Variants in PHACTR2 observed in about 807,000 individuals in gnomAD.
PHACTR2 encodes chromosome 6 open reading frame 56.
PHACTR2 carries 30 observed loss-of-function variants against 76.0 expected under a neutral mutation model. That is an observed-to-expected ratio of 0.39 (90% CI 0.30 to 0.54). PHACTR2 has a LOEUF of 0.54. Among genes scored for constraint, PHACTR2 ranks in the 20% least tolerant of loss-of-function variants. PHACTR2 has a pLI of 0.61. For synonymous variants in PHACTR2, 292 were observed against 292.5 expected, an observed-to-expected ratio of 1.00 and a Z score of 0.02; for missense variants, 696 against 781.1, an observed-to-expected ratio of 0.89 and a Z score of 1.30.
chr6:143,765,364 T>C lies in PHACTR2; in HGVS notation c.798T>C (p.Ser266=). 6.2e-7 allele frequency: 1 copy of C among 1,614,200 alleles called. No homozygotes were observed. Among genetic ancestry groups the C allele is most frequent in the Non-Finnish European group, 8.5e-7 (1 of 1,180,026 alleles). ...SRPKASKETV[S]SKAGTVGTTK... is the part of the protein sequence containing the mutation. ...CCAAAGCTTCAAAGGAGACAGTTTC[T>C]AGCAAAGCAGGGACAGTGGGGACCA... The change falls in exon 6 of 13, where the codon TCT becomes TCC. Residue 266 remains serine, a synonymous_variant. Transcript: ENST00000440869. The surrounding 1 kb of genome is among the most constrained non-coding windows in gnomAD (Gnocchi z 4.1).
rs965820090 is a variant in PHACTR2 at position 143,774,834 on chromosome 6, C to T, written c.1589+619C>T. On this transcript the variant is annotated intron_variant, in intron 8 of 12. Transcript: ENST00000440869. This position sits in a 1 kb window ranked among gnomAD's most constrained non-coding sequence, Gnocchi z 5.4. ...ATCATCTGACATCTCTTCCTGCCTC[C>T]AACCATTGTATAGGATTTTTGCTTT... 6.6e-6 allele frequency among the ~76,000 whole-genome samples: 1 copy of T among 152,214 alleles called. No homozygotes were observed.
rs1779538044 is a variant in PHACTR2 at position 143,765,441 on chromosome 6, C to T, written c.875C>T (p.Ser292Leu). Residue 292 changes from serine to leucine, a missense_variant, in exon 6 of 13, where the codon TCA (serine) becomes TTA (leucine). By Grantham distance (145) the Ser-to-Leu change is moderately radical (BLOSUM62 -2). Around this residue, in one of 2 missense-constraint regions of PHACTR2, gnomAD observed 460 missense variants for 450.9 expected, o/e 1.02. Coordinates refer to ENST00000440869, the MANE Select transcript of PHACTR2 (RefSeq NM_001100164.2). The surrounding 1 kb of genome is among the most constrained non-coding windows in gnomAD (Gnocchi z 4.1). ...DKQPITSHLS[S>L]DTTTSGTSDL... ...CAGCCAATAACTTCTCACCTGTCCT[C>T]AGACACAACAACTTCTGGCACATCC... 4 of 1,614,238 alleles carry T rather than the reference C, an allele frequency of 2.5e-6. No homozygotes were observed. Among genetic ancestry groups the T allele is most frequent in the Non-Finnish European group, 3.4e-6 (4 of 1,180,048 alleles).
At chr6:143,542,229 C>T (rs536380872) in intron 1 of PHACTR2, among the ~76,000 whole-genome samples, 38 of 152,242 alleles carry the variant, frequency 2.5e-4, no homozygotes, top group African/African-American at 8.2e-4. Context: ...CTTCCTTCTC[C>T]CCCAGGGAGA....
intron 1 of PHACTR2, among the ~76,000 whole-genome samples, chr6:143,669,575 A>G (rs11755709): frequency 0.2 from 30,830 of 152,124 alleles, 3,671 homozygotes; most frequent in Middle Eastern, 0.34. Context: ...GTGCATATAT[A>G]TTTAGGATAG....
In PHACTR2 at chr6:143,765,763, C is replaced by G. The variant is rs780667600; in HGVS notation, c.1197C>G (p.Gly399=). 1 of 1,614,120 alleles carries G rather than the reference C, an allele frequency of 6.2e-7. No individual in the cohort carries two copies. The highest frequency in any genetic ancestry group is 1.3e-5 in the African/African-American group (1 of 75,062). The stretch of plus-strand genomic sequence containing the variant: ...CGAACAGAACCACTCTCTACTCAGG[C>G]ACTGGCTTAAGTGTTAACAGAGAAA... ...EPTNRTTLYS[G]TGLSVNRENA... Residue 399 remains glycine, a synonymous_variant, in exon 6 of 13, where the codon GGC becomes GGG. Coordinates refer to ENST00000440869, the MANE Select transcript of PHACTR2 (RefSeq NM_001100164.2). The surrounding 1 kb of genome is among the most constrained non-coding windows in gnomAD (Gnocchi z 4.1).
chr6:143,798,145 A>C (rs953168364), intron 11 of PHACTR2, among the ~76,000 whole-genome samples: 4 of 152,088 alleles, frequency 2.6e-5, no homozygotes, highest in African/African-American at 9.7e-5. Flanking sequence ...TACGTATTTT[A>C]TTCTCTTTGT....
intron 2 of PHACTR2, among the ~76,000 whole-genome samples, chr6:143,735,980 A>ATAAC: frequency 6.6e-6 from 1 of 151,168 alleles, no homozygotes; most frequent in Non-Finnish European, 1.5e-5. Context: ...AATAATAATG[A>ATAAC]TAACTAACTC....
intron 1 of PHACTR2, among the ~76,000 whole-genome samples, chr6:143,566,807 T>G (rs1366263514): frequency 6.7e-6 from 1 of 150,272 alleles, no homozygotes. Flanking sequence ...TTTCAGCATG[T>G]AATACTAAAG....
rs185769574 is a variant in PHACTR2, at chr6:143,586,125, A to G, written c.217+48918A>G. Among the ~76,000 whole-genome samples, 105 of 152,364 alleles carry G rather than the reference A, an allele frequency of 6.9e-4. 2 individuals carry two copies. The highest frequency in any genetic ancestry group is 1.0e-4 in the Non-Finnish European group (7 of 68,036). The stretch of plus-strand genomic sequence containing the variant: ...TGGTCCACATCAACTGCATGAAGAC[A>G]GACGATCATCTATTTGCCATCGTGG... On this transcript the variant is annotated intron_variant, in intron 1 of 11. Transcript: ENST00000367584.
At position 143,739,298 on chromosome 6, in the gene PHACTR2, C is replaced by G. The variant is rs1778889379; in HGVS notation, c.215-9687C>G. 6.6e-6 allele frequency among the ~76,000 whole-genome samples: 1 copy of G among 152,198 alleles called. No individual in the cohort carries two copies. The highest frequency in any genetic ancestry group is 2.4e-5 in the African/African-American group (1 of 41,438). On this transcript the variant is annotated intron_variant, in intron 2 of 12. Transcript: ENST00000440869. The surrounding 1 kb of genome is among the most constrained non-coding windows in gnomAD (Gnocchi z 4.3). ...CAGGATGGTCTCGATCTGCTGACCTCATGATCCACCAGCCTCGGCATCCCA... is the reference window on the plus strand; with the variant it reads ...CAGGATGGTCTCGATCTGCTGACCTGATGATCCACCAGCCTCGGCATCCCA...
upstream of PHACTR2, among the ~76,000 whole-genome samples, chr6:143,603,980 C>A (rs931826252): frequency 6.6e-6 from 1 of 151,634 alleles, no homozygotes; most frequent in Admixed American, 6.6e-5. Context: ...GTGCCTGTAA[C>A]CCCAGCTATC....
rs557184367 is a variant in PHACTR2 at position 143,571,824 on chromosome 6, A to AC, written c.217+34617_217+34618insC. 2.4e-4 allele frequency among the ~76,000 whole-genome samples: 36 copies of AC among 152,218 alleles called. 1 individual carries two copies. The East Asian group carries it at 7.0e-3, about 29-fold the overall frequency. ...TGCTTTAGAATCAGTCTTTTCTCCTATGAGCCCTGCTTTCAGTATTATTTT... is the reference window on the plus strand; with the variant it reads ...TGCTTTAGAATCAGTCTTTTCTCCTACTGAGCCCTGCTTTCAGTATTATTTT... On this transcript the variant is annotated intron_variant, in intron 1 of 11. Coordinates refer to the PHACTR2 transcript ENST00000367584. This position sits in a 1 kb window ranked among gnomAD's most constrained non-coding sequence, Gnocchi z 4.6.
rs200474422 is a variant in PHACTR2 at position 143,655,088 on chromosome 6, C to T, written c.13+46766C>T. Among the ~76,000 whole-genome samples, 17 of 141,490 alleles carry T rather than the reference C, an allele frequency of 1.2e-4. No individual in the cohort carries two copies. In the East Asian group the frequency reaches 3.5e-3, roughly 29 times the overall value. The allele number at this position is 141,490 out of a possible 152,430, so 92.8% of individuals were successfully genotyped here. On this transcript the variant is annotated intron_variant, in intron 1 of 11. Transcript: ENST00000305766. ...AGGAGAATTGCTTGAACCTGGGAGG[C>T]GGAGGTTGCGGTGAGCCGAGATCGT... is the stretch of plus-strand genomic sequence containing the variant.
At chr6:143,813,981 C>T (rs890110279) in intron 12 of PHACTR2, among the ~76,000 whole-genome samples, 2 of 152,194 alleles carry the variant, frequency 1.3e-5, no homozygotes, top group Non-Finnish European at 2.9e-5. Flanking sequence ...AGTCAATCAA[C>T]ACATATTTTG....
intron 1 of PHACTR2, among the ~76,000 whole-genome samples, chr6:143,569,518 T>C (rs1332323052): frequency 6.6e-6 from 1 of 152,230 alleles, no homozygotes; most frequent in East Asian, 1.9e-4. Context: ...CAGTCTGTTC[T>C]CTGATTTTAA....
intron 1 of PHACTR2, among the ~76,000 whole-genome samples, chr6:143,655,157 C>CAAAAAAAAAAAAAAAA (rs151076366): frequency 5.0e-5 from 5 of 99,076 alleles, no homozygotes; most frequent in Non-Finnish European, 6.0e-5. Context: ...AACTCCGTCT[C>CAAAAAAAAAAAAAAAA]AAAAAAAAAA....
At chr6:143,573,815 G>A (rs755094145) in intron 1 of PHACTR2, among the ~76,000 whole-genome samples, 5 of 152,190 alleles carry the variant, frequency 3.3e-5, no homozygotes, top group Non-Finnish European at 7.3e-5. Context: ...CCATTTAGCA[G>A]CACTCTGAGG....
rs1424937400 is a variant in PHACTR2, at chr6:143,628,922, GAGATATAT to G, written c.13+20602_13+20609del. Among the ~76,000 whole-genome samples, 193 of 104,472 alleles carry G rather than the reference GAGATATAT, an allele frequency of 1.8e-3. 29 individuals are homozygous for G. The highest frequency in any genetic ancestry group is 2.8e-3 in the East Asian group (6 of 2,124). 68.5% of individuals were successfully genotyped at this position (104,472 alleles called of 152,430 possible). ...AAAGAAGATGAATGTTTAAATGCAGGAGATATATATATATATATATATATATATATATA... is the reference window on the plus strand; with the variant it reads ...AAAGAAGATGAATGTTTAAATGCAGGATATATATATATATATATATATATA... On this transcript the variant is annotated intron_variant, in intron 1 of 11. Coordinates refer to the PHACTR2 transcript ENST00000305766.
chr6:143,714,496 G>A (rs1215781603), intron 2 of PHACTR2, among the ~76,000 whole-genome samples: 1 of 152,194 alleles, frequency 6.6e-6, no homozygotes, highest in Non-Finnish European at 1.5e-5. Context: ...GGCCAGTTTT[G>A]GTGGTCCTTG....
Sources: allele counts gnomAD v4.1 joint callset (sites outside exome capture counted in the v4.1 genomes callset), GRCh38; gene constraint gnomAD v4.1.1; regional missense constraint gnomAD v4.1.1; non-coding constraint Gnocchi (gnomAD v3.1); transcripts MANE v1.5; gene names NCBI Gene and HGNC (gene_info 2026-07-23, HGNC 2026-07-21).